The following SZT2 variants were observed in gnomAD, a reference collection of about 807,000 sequenced individuals.
SZT2 encodes SZT2 subunit of KICSTOR complex.
In SZT2, 216 loss-of-function variants were observed where a neutral mutation model predicts 404.2. The ratio of observed to expected loss-of-function variants is 0.53; its 90% confidence interval spans 0.48 to 0.60. The LOEUF (loss-of-function observed/expected upper bound fraction) is 0.60, where lower values mean the gene tolerates loss of function less well. Ranked by LOEUF, SZT2 falls within the 20% of genes least tolerant of loss-of-function variation. The probability of loss-of-function intolerance (pLI) is 0.00; values close to 1 mark genes in which losing one functional copy is unlikely to be tolerated. For synonymous variants in SZT2, 1,693 were observed against 1,749.9 expected, an observed-to-expected ratio of 0.97 and a Z score of 0.81; for missense variants, 3,857 against 4,459.2, an observed-to-expected ratio of 0.86 and a Z score of 3.85.
chr1:43,447,088 A>T lies in SZT2; in HGVS notation c.9206A>T (p.Tyr3069Phe). ...LGAHLVLRHG[Y>F]HLTTFLRHFL... ...GCCCATCTGGTGCTGCGGCACGGCTACCACCTCACCACCTTTCTGCGACAC... is the reference window on the plus strand; with the variant it reads ...GCCCATCTGGTGCTGCGGCACGGCTTCCACCTCACCACCTTTCTGCGACAC... Residue 3069 changes from tyrosine to phenylalanine, a missense_variant, in exon 66 of 72, where the codon TAC (tyrosine) becomes TTC (phenylalanine). Physicochemically the swap from Tyr to Phe is conservative, Grantham distance 22. Transcript: ENST00000634258. The T allele has an allele frequency of 6.2e-7, 1 of 1,613,916 alleles. No homozygotes were observed. The highest frequency in any genetic ancestry group is 8.5e-7 in the Non-Finnish European group (1 of 1,180,012).
At chr1:43,449,126 C>G (rs1438785354) in intron 70 of SZT2, 2 of 210,514 alleles carry the variant, frequency 9.5e-6, no homozygotes, top group Non-Finnish European at 1.9e-5. Flanking sequence ...AATGCAGGCT[C>G]TCCGGCCACA....
In SZT2 at chr1:43,439,797, TGTTCA is replaced by T; in HGVS notation, c.7042+32_7042+36del. 6.4e-7 allele frequency: 1 copy of T among 1,567,194 alleles called. No homozygotes were observed. On this transcript the variant is annotated intron_variant, in intron 50 of 71. Coordinates refer to ENST00000634258, the MANE Select transcript of SZT2 (RefSeq NM_001365999.1). This position sits in a 1 kb window ranked among gnomAD's most constrained non-coding sequence, Gnocchi z 4.2. The stretch of plus-strand genomic sequence containing the variant: ...GGGACAGCTTGGTCAGAGGATGAGG[TGTTCA>T]GTTATTGCTGTGGGAGGTAAGGGTG...
chr1:43,439,025 C>G lies in SZT2; in HGVS notation c.6724C>G (p.Arg2242Gly). 2 of 1,614,192 alleles carry G rather than the reference C, an allele frequency of 1.2e-6. No individual in the cohort carries two copies. The highest frequency in any genetic ancestry group is 1.7e-6 in the Non-Finnish European group (2 of 1,180,032). Residue 2242 changes from arginine to glycine, a missense_variant, in exon 48 of 72, where the codon CGG becomes GGG. Coordinates refer to ENST00000634258, the MANE Select transcript of SZT2 (RefSeq NM_001365999.1). This position sits in a 1 kb window ranked among gnomAD's most constrained non-coding sequence, Gnocchi z 4.2. ...GCTTCCAGCCCTGGCATGGTACCTA[C>G]GGCAGAACTTGCTCATCTTCCTGCA... is the stretch of plus-strand genomic sequence containing the variant. Reference protein sequence around the residue: ...PWLPALAWYLRQNLLIFLHSP... With the variant: ...PWLPALAWYLGQNLLIFLHSP...
intron 12 of SZT2, 118 bp downstream of exon 12, chr1:43,422,343 A>G (rs1466302758): frequency 1.1e-5 from 17 of 1,485,862 alleles, no homozygotes; most frequent in Admixed American, 4.2e-5. Flanking sequence ...AGGAAAAACT[A>G]TAGCCTTTTC....
chr1:43,394,416 C>G (rs914076626), intron 1 of SZT2, among the ~76,000 whole-genome samples: 3 of 152,104 alleles, frequency 2.0e-5, no homozygotes, highest in Admixed American at 6.6e-5. Flanking sequence ...GGGGTGGTGC[C>G]TGGGACTCAA....
At chr1:43,446,008 G>A (rs1420525847) in intron 63 of SZT2, 24 bp downstream of exon 63, 1 of 1,611,700 alleles carries the variant, frequency 6.2e-7, no homozygotes, top group Non-Finnish European at 8.5e-7. Context: ...TAATGGTAAA[G>A]TTACTGATGC....
In SZT2 at chr1:43,453,567, C is replaced by T; in HGVS notation, c.*3087C>T. 6.6e-7 allele frequency: 1 copy of T among 1,518,030 alleles called. No homozygotes were observed. 94.0% of individuals were successfully genotyped at this position (1,518,030 alleles called of 1,614,324 possible). On this transcript the variant is annotated 3_prime_UTR_variant, in exon 72 of 72. Transcript: ENST00000634258. Reference sequence around the variant, plus strand: ...GCCCGCGCCCCGGCACCCCCCAGCCCTCCCAGCCCTCCCGGCCCGCGACGC... The same window carrying T: ...GCCCGCGCCCCGGCACCCCCCAGCCTTCCCAGCCCTCCCGGCCCGCGACGC...
Position 43,450,065 on chromosome 1 carries a change from C to A in SZT2, c.10087-38C>A. 6.2e-7 allele frequency: 1 copy of A among 1,612,560 alleles called. No individual in the cohort carries two copies. The highest frequency in any genetic ancestry group is 1.1e-5 in the South Asian group (1 of 90,964). ...ACCTCAGGATGCCCTGTGGGAGGGT[C>A]TGTAGGGTCTGTGTCCCCTCCTCAT... is the stretch of plus-strand genomic sequence containing the variant. On this transcript the variant is annotated intron_variant, in intron 70 of 71. Coordinates refer to ENST00000634258, the MANE Select transcript of SZT2 (RefSeq NM_001365999.1). This position sits in a 1 kb window ranked among gnomAD's most constrained non-coding sequence, Gnocchi z 4.3.
At position 43,453,884 on chromosome 1, in the gene SZT2, G is replaced by A. The variant is rs1325088697; in HGVS notation, c.*3404G>A. 12 of 1,224,778 alleles carry A rather than the reference G, an allele frequency of 9.8e-6. No homozygotes were observed. The African/African-American group carries it at 1.6e-4, about 16-fold the overall frequency. The allele number at this position is 1,224,778 out of a possible 1,614,324, so 75.9% of individuals were successfully genotyped here. On this transcript the variant is annotated 3_prime_UTR_variant, in exon 72 of 72. Coordinates refer to ENST00000634258, the MANE Select transcript of SZT2 (RefSeq NM_001365999.1). ...GGCGGGCGGGGGCGGGGCTCTCCTT[G>A]CTGGCCCTGCGAACGAACGAGCACT...
intron 1 of SZT2, chr1:43,394,203 ACT>A (rs1487852631): frequency 5.1e-5 from 21 of 411,778 alleles, no homozygotes; most frequent in African/African-American, 1.4e-4. Flanking sequence ...GAGCCCATCA[ACT>A]CTTTTTTTTT....
rs1047790599 is a variant in SZT2, at chr1:43,422,541, A to T, written c.1831A>T (p.Arg611Trp). 30 of 1,598,142 alleles carry T rather than the reference A, an allele frequency of 1.9e-5. No individual in the cohort carries two copies. The highest frequency in any genetic ancestry group is 2.5e-5 in the Non-Finnish European group (30 of 1,179,670). The change falls in exon 13 of 72, where the codon AGG becomes TGG. Residue 611 changes from arginine (R) to tryptophan (W), a missense_variant. Arg to Trp is a moderately radical substitution (Grantham distance 101). This residue lies in a region of SZT2 where 1,725 missense variants were observed against 1,881.0 expected (regional missense o/e 0.92). Coordinates refer to ENST00000634258, the MANE Select transcript of SZT2 (RefSeq NM_001365999.1). ...SNGRYSTIQC[R>W]ISHSSLTSLL... Reference sequence around the variant, plus strand: ...TGGGCGCTACAGCACTATCCAGTGCAGGATCTCCCACTCCTCCCTGACCTC... The same window carrying T: ...TGGGCGCTACAGCACTATCCAGTGCTGGATCTCCCACTCCTCCCTGACCTC...
intron 1 of SZT2, among the ~76,000 whole-genome samples, chr1:43,394,365 C>A (rs954772509): frequency 3.9e-5 from 6 of 151,910 alleles, no homozygotes; most frequent in African/African-American, 1.5e-4. Context: ...TGAGCCACAG[C>A]ACCCAGTCTG....
Position 43,453,273 on chromosome 1 carries a change from A to T in SZT2, c.*2793A>T. On this transcript the variant is annotated 3_prime_UTR_variant, in exon 72 of 72. Coordinates refer to ENST00000634258, the MANE Select transcript of SZT2 (RefSeq NM_001365999.1). ...CAAAGGACCAGGACCGCAGAGGCAG[A>T]GATAAACCAGTGGGCTCAGACTTCT... The T allele has an allele frequency of 1.4e-6, 1 of 715,154 alleles. No homozygotes were observed. The highest frequency in any genetic ancestry group is 2.3e-6 in the Non-Finnish European group (1 of 428,886). 44.3% of individuals were successfully genotyped at this position (715,154 alleles called of 1,614,324 possible).
chr1:43,394,289 A>G (rs763916171), intron 1 of SZT2, among the ~76,000 whole-genome samples: 6 of 149,358 alleles, frequency 4.0e-5, no homozygotes, highest in Non-Finnish European at 8.9e-5. Context: ...GCTCACTGCA[A>G]CCTCCACCTC....
In SZT2 at chr1:43,453,160, CTCCCAGCATGGGA is replaced by C. The variant is rs1210245150; in HGVS notation, c.*2693_*2705del. 122 of 661,150 alleles carry C rather than the reference CTCCCAGCATGGGA, an allele frequency of 1.8e-4. No individual in the cohort carries two copies. In the East Asian group the frequency reaches 2.4e-3, roughly 13 times the overall value. 41.0% of individuals were successfully genotyped at this position (661,150 alleles called of 1,614,324 possible). A position where few individuals can be genotyped will look rare whatever the true frequency, so the allele number is the denominator to read the frequency against. ...CTCCTATCTGCCTAGGCAGACTGAG[CTCCCAGCATGGGA>C]TCCCAGCATGGGGTGAGCATGAAAG... On this transcript the variant is annotated 3_prime_UTR_variant, in exon 72 of 72. Coordinates refer to ENST00000634258, the MANE Select transcript of SZT2 (RefSeq NM_001365999.1).
Position 43,451,260 on chromosome 1 carries a change from C to A in SZT2, c.*780C>A, listed in dbSNP as rs537137556. On this transcript the variant is annotated 3_prime_UTR_variant, in exon 72 of 72. Coordinates refer to ENST00000634258, the MANE Select transcript of SZT2 (RefSeq NM_001365999.1). ...CCCTCACTGGCCAGCCTCTGGGTGGCCCCGCCTATCCCAGTATGAACGTAG... is the reference window on the plus strand; with the variant it reads ...CCCTCACTGGCCAGCCTCTGGGTGGACCCGCCTATCCCAGTATGAACGTAG... The A allele has an allele frequency of 8.2e-5, 133 of 1,614,032 alleles. 1 individual carries two copies. In the East Asian group the frequency reaches 2.8e-3, roughly 34 times the overall value.
rs189920125 is a variant in SZT2 at position 43,422,261 on chromosome 1, G to C, written c.1769+36G>C. Reference sequence around the variant, plus strand: ...TTAGGGCTGGGCCATAGTTGGGGTGGAGTATCGGGGTCAGGGGGATAGGGA... The same window carrying C: ...TTAGGGCTGGGCCATAGTTGGGGTGCAGTATCGGGGTCAGGGGGATAGGGA... On this transcript the variant is annotated intron_variant, in intron 12 of 71. Transcript: ENST00000634258. The C allele has an allele frequency of 3.0e-5, 47 of 1,550,562 alleles. No individual in the cohort carries two copies. In the African/African-American group the frequency reaches 4.3e-4, roughly 14 times the overall value.
intron 1 of SZT2, among the ~76,000 whole-genome samples, chr1:43,402,629 T>A (rs1218573730): frequency 6.6e-6 from 1 of 152,124 alleles, no homozygotes; most frequent in Non-Finnish European, 1.5e-5. Context: ...TATGAGGCAA[T>A]GGAGGCAAGA....
Position 43,453,935 on chromosome 1 carries a change from T to C in SZT2, c.*3455T>C. 3.3e-6 allele frequency: 4 copies of C among 1,203,662 alleles called. No individual in the cohort carries two copies. The highest frequency in any genetic ancestry group is 4.1e-6 in the Non-Finnish European group (4 of 970,168). The allele number at this position is 1,203,662 out of a possible 1,614,324, so 74.6% of individuals were successfully genotyped here. A position where few individuals can be genotyped will look rare whatever the true frequency, so the allele number is the denominator to read the frequency against. On this transcript the variant is annotated 3_prime_UTR_variant, in exon 72 of 72. Transcript: ENST00000634258. ...GTTCGTGGTTAGAAAAGCGAAGTGC[T>C]GTAAAAACCCGGGCCTTCACGAAAA...
Sources: allele counts gnomAD v4.1 joint callset (sites outside exome capture counted in the v4.1 genomes callset), GRCh38; gene constraint gnomAD v4.1.1; regional missense constraint gnomAD v4.1.1; non-coding constraint Gnocchi (gnomAD v3.1); transcripts MANE v1.5; gene names NCBI Gene and HGNC (gene_info 2026-07-23, HGNC 2026-07-21).